Variants in CELF1 observed in about 807,000 individuals in gnomAD.
CELF1 encodes the protein CUGBP Elav-like family member 1.
Under a neutral mutation model 61.8 loss-of-function variants are expected in CELF1, and 10 were observed. The observed-to-expected ratio is 0.16, with a 90% CI of 0.10 to 0.27. CELF1 has a LOEUF of 0.27. Ranked by LOEUF, CELF1 falls within the 10% of genes least tolerant of loss-of-function variation. The pLI is 1.00. For synonymous variants in CELF1, 236 were observed against 225.1 expected, an observed-to-expected ratio of 1.05 and a Z score of -0.43; for missense variants, 380 against 639.1, an observed-to-expected ratio of 0.59 and a Z score of 4.37.
At chr11:47,547,980 T>C (rs905968360) in intron 1 of CELF1, among the ~76,000 whole-genome samples, 2 of 152,078 alleles carry the variant, frequency 1.3e-5, no homozygotes, top group African/African-American at 4.8e-5. Flanking sequence ...TCAATGTAAC[T>C]AATGTCACTG....
intron 1 of CELF1, among the ~76,000 whole-genome samples, chr11:47,520,773 T>A (rs1035587764): frequency 1.3e-5 from 2 of 152,158 alleles, no homozygotes; most frequent in African/African-American, 4.8e-5. Flanking sequence ...ATTGTGCCAC[T>A]GCCCTCCAGC....
At chr11:47,503,096 T>C (rs2094126353) in intron 1 of CELF1, among the ~76,000 whole-genome samples, 1 of 152,136 alleles carries the variant, frequency 6.6e-6, no homozygotes, top group Middle Eastern at 3.2e-3. Flanking sequence ...CCTGATTAAG[T>C]GAAGGTAGGA....
At chr11:47,536,327 C>T (rs1342207980) in intron 1 of CELF1, among the ~76,000 whole-genome samples, 1 of 152,190 alleles carries the variant, frequency 6.6e-6, no homozygotes, top group Non-Finnish European at 1.5e-5. Context: ...CATTGCACCA[C>T]TGTACTCCAT....
At chr11:47,556,061 T>C (rs1055478434), upstream of CELF1, among the ~76,000 whole-genome samples, 2 of 151,348 alleles carry the variant, frequency 1.3e-5, no homozygotes, top group South Asian at 4.2e-4. Context: ...CTTCTCCAAG[T>C]GGTGATGGGA....
chr11:47,477,357 G>C lies in CELF1; in HGVS notation c.913C>G (p.Pro305Ala), dbSNP rs982039307. ...GTAGTGAGAGCATTGGTACCACTTGGTGTGTTCTGAGCTGCACTAGCTGCA... is the reference window on the plus strand; with the variant it reads ...GTAGTGAGAGCATTGGTACCACTTGCTGTGTTCTGAGCTGCACTAGCTGCA... ...AAAASAAQNT[P>A]SGTNALTTSS... Residue 305 changes from proline (P) to alanine (A), a missense_variant, in exon 11 of 15, where the codon CCA (proline) becomes GCA (alanine). By Grantham distance (27) the Pro-to-Ala change is conservative (BLOSUM62 -1). Transcript: ENST00000687097. 2 of 1,613,796 alleles carry C rather than the reference G, an allele frequency of 1.2e-6. No individual in the cohort carries two copies. The highest frequency in any genetic ancestry group is 1.1e-5 in the South Asian group (1 of 91,082).
chr11:47,519,688 G>A (rs1031994926), intron 1 of CELF1, among the ~76,000 whole-genome samples: 6 of 151,948 alleles, frequency 3.9e-5, no homozygotes, highest in South Asian at 2.1e-4. Flanking sequence ...TGGCTAACAC[G>A]GTGAAACCCC....
Position 47,472,110 on chromosome 11 carries a change from A to T in CELF1, c.*120T>A, listed in dbSNP as rs781259418. 3.6e-4 allele frequency: 427 copies of T among 1,174,834 alleles called. No individual in the cohort carries two copies. The highest frequency in any genetic ancestry group is 4.6e-4 in the Non-Finnish European group (375 of 823,228). 72.8% of individuals were successfully genotyped at this position (1,174,834 alleles called of 1,614,324 possible). On this transcript the variant is annotated 3_prime_UTR_variant, in exon 15 of 15. Coordinates refer to ENST00000687097, the MANE Select transcript of CELF1 (RefSeq NM_001376376.1). Reference sequence around the variant, plus strand: ...CTTCAGGGCAAGCTGTGCCTGCGAGAGTGGCAGGGATCAGGGTCCAGGGCT... The same window carrying T: ...CTTCAGGGCAAGCTGTGCCTGCGAGTGTGGCAGGGATCAGGGTCCAGGGCT...
At chr11:47,550,726 AG>A (rs1447578005) in intron 1 of CELF1, among the ~76,000 whole-genome samples, 1 of 152,050 alleles carries the variant, frequency 6.6e-6, no homozygotes, top group Non-Finnish European at 1.5e-5. Context: ...TTCTGTATTA[AG>A]AAAAATACAC....
rs2085377215 is a variant in CELF1 at position 47,484,438 on chromosome 11, T to C, written c.477A>G (p.Gly159=). 2.5e-6 allele frequency: 4 copies of C among 1,613,816 alleles called. No homozygotes were observed. Among genetic ancestry groups the C allele is most frequent in the Non-Finnish European group, 3.4e-6 (4 of 1,179,952 alleles). ...GCAATATCCGGCATTCTTCAATCTG[T>C]CCAAACGAAGAGAACATGACTCGGA... ...NDIRVMFSSF[G]QIEECRILRG... is the part of the protein sequence containing the mutation. Residue 159 remains glycine (G), a synonymous_variant, in exon 7 of 15, where the codon GGA becomes GGG. Transcript: ENST00000687097.
intron 1 of CELF1, among the ~76,000 whole-genome samples, chr11:47,545,466 C>T (rs192391159): frequency 6.6e-6 from 1 of 151,956 alleles, no homozygotes; most frequent in African/African-American, 2.4e-5. Flanking sequence ...CATTCAGAAC[C>T]ATAAAGTCTC....
intron 1 of CELF1, among the ~76,000 whole-genome samples, chr11:47,548,180 T>C (rs1335330936): frequency 1.3e-5 from 2 of 151,876 alleles, no homozygotes; most frequent in African/African-American, 4.8e-5. Flanking sequence ...GAACCTGTAA[T>C]CCCAGCTACT....
intron 1 of CELF1, among the ~76,000 whole-genome samples, chr11:47,541,719 A>T: frequency 1.4e-4 from 1 of 7,280 alleles, no homozygotes; most frequent in African/African-American, 2.9e-4. Context: ...AGAAAGAAAG[A>T]AAGAAAGAAC....
chr11:47,551,120 G>C (rs553176080), intron 1 of CELF1, among the ~76,000 whole-genome samples: 1 of 151,932 alleles, frequency 6.6e-6, no homozygotes, highest in African/African-American at 2.4e-5. Context: ...AAAAGTGAAG[G>C]GGTTCTAGAA....
chr11:47,562,962 C>T (rs1275880654), intron 2 of CELF1, among the ~76,000 whole-genome samples: 1 of 151,990 alleles, frequency 6.6e-6, no homozygotes, highest in Non-Finnish European at 1.5e-5. Context: ...CTGCCTCTGC[C>T]TCCGCCTCCC....
At chr11:47,556,779 G>A (rs1047763572), upstream of CELF1, among the ~76,000 whole-genome samples, 1 of 152,200 alleles carries the variant, frequency 6.6e-6, no homozygotes, top group Non-Finnish European at 1.5e-5. Flanking sequence ...TACTTAAGAA[G>A]CTGAGGTAGG....
intron 1 of CELF1, among the ~76,000 whole-genome samples, chr11:47,550,830 A>C (rs149495558): frequency 6.6e-6 from 1 of 152,240 alleles, no homozygotes; most frequent in African/African-American, 2.4e-5. Context: ...AGCTGAACTA[A>C]TACCATGTGA....
chr11:47,488,009 T>C (rs2088675216), intron 4 of CELF1, among the ~76,000 whole-genome samples: 1 of 152,240 alleles, frequency 6.6e-6, no homozygotes, highest in Admixed American at 6.5e-5. Context: ...TTGCCAGTCA[T>C]GTTCAGAAAC....
intron 1 of CELF1, among the ~76,000 whole-genome samples, chr11:47,505,500 G>T (rs10838724): frequency 0.31 from 47,117 of 150,166 alleles, 9,036 homozygotes; most frequent in Middle Eastern, 0.43. Flanking sequence ...AAAATTAGCC[G>T]GCCATGGTGG....
chr11:47,479,125 C>CAA (rs373047994), intron 9 of CELF1, among the ~76,000 whole-genome samples, 173 bp from the exon 10 acceptor site: 6 of 143,330 alleles, frequency 4.2e-5, no homozygotes, highest in Admixed American at 7.0e-5. Flanking sequence ...CAGCACAGGA[C>CAA]AAAAAAAAAA....
Sources: allele counts gnomAD v4.1 joint callset (sites outside exome capture counted in the v4.1 genomes callset), GRCh38; gene constraint gnomAD v4.1.1; transcripts MANE v1.5; gene names NCBI Gene and HGNC (gene_info 2026-07-23, HGNC 2026-07-21).